RTN4: variants seen among roughly 807,000 people sequenced by gnomAD.
RTN4 encodes the protein reticulon 4.
In RTN4, 32 loss-of-function variants were observed where a neutral mutation model predicts 90.4. That is an observed-to-expected ratio of 0.35 (90% confidence interval 0.27 to 0.48). The LOEUF is 0.48. Among genes scored for constraint, RTN4 ranks in the 20% least tolerant of loss-of-function variants. The pLI is 0.99. For missense variants in RTN4, 1,706 were observed against 1,430.2 expected (o/e 1.19, Z -3.11); for synonymous variants, 629 against 552.5 (o/e 1.14, Z -1.94).
intron 3 of RTN4, chr2:55,009,942 T>C (rs1244677077): frequency 1.2e-6 from 1 of 834,474 alleles, no homozygotes; most frequent in Non-Finnish European, 1.8e-6. Flanking sequence ...TAAAAACACG[T>C]GAGATAGCCG....
upstream of RTN4, among the ~76,000 whole-genome samples, chr2:55,053,365 A>C (rs886162621): frequency 1.2e-4 from 18 of 152,362 alleles, no homozygotes; most frequent in Admixed American, 5.2e-4. Context: ...AATAGTTTTA[A>C]AATAATTATT....
chr2:55,061,066 A>T (rs1668282038), intron 2 of RTN4, among the ~76,000 whole-genome samples: 2 of 140,688 alleles, frequency 1.4e-5, no homozygotes, highest in South Asian at 2.2e-4. Context: ...AAAAATAAGA[A>T]TTTTTTTTTT....
At chr2:55,080,627 C>T (rs150996591) in exon 2 of RTN4, 31 of 151,996 alleles carry the variant, frequency 2.0e-4, no homozygotes, top group African/African-American at 6.5e-4. Flanking sequence ...TTGTTATTTT[C>T]GATGACAACT....
intron 1 of RTN4, among the ~76,000 whole-genome samples, chr2:55,087,120 G>A (rs562691807): frequency 1.3e-5 from 2 of 152,218 alleles, no homozygotes; most frequent in African/African-American, 4.8e-5. Context: ...TTATTCATCT[G>A]GTCATCCAAC....
Position 55,025,098 on chromosome 2 carries a change from T to C in RTN4, c.3001A>G (p.Ser1001Gly), listed in dbSNP as rs200210000. ...SPSAIFSAEL[S>G]KTSVVDLLYW... ...TAGATTGGATTACCTGAAGTTTTACTCAGCTCTGCTGAAAATATAGCAGAT... is the reference window on the plus strand; with the variant it reads ...TAGATTGGATTACCTGAAGTTTTACCCAGCTCTGCTGAAAATATAGCAGAT... The change falls in exon 3 of 9, where the codon AGT becomes GGT. Residue 1001 changes from serine to glycine, a missense_variant. Ser to Gly is a moderately conservative substitution (Grantham distance 56). Coordinates refer to ENST00000337526, the MANE Select transcript of RTN4 (RefSeq NM_020532.5). 1.7e-5 allele frequency: 27 copies of C among 1,601,746 alleles called. No individual in the cohort carries two copies. The highest frequency in any genetic ancestry group is 2.2e-5 in the Non-Finnish European group (26 of 1,173,868).
intron 1 of RTN4, among the ~76,000 whole-genome samples, chr2:55,085,021 G>A (rs900843148): frequency 6.6e-6 from 1 of 152,136 alleles, no homozygotes; most frequent in Non-Finnish European, 1.5e-5. Context: ...TTACTCCTGG[G>A]TTCAAACGAT....
At chr2:55,072,957 T>C (rs1467426133) in intron 2 of RTN4, among the ~76,000 whole-genome samples, 1 of 152,218 alleles carries the variant, frequency 6.6e-6, no homozygotes, top group East Asian at 1.9e-4. Flanking sequence ...GCTTCTTCAG[T>C]TGCTCGGCTC....
chr2:55,018,206 T>C (rs1227767388), intron 3 of RTN4, among the ~76,000 whole-genome samples: 3 of 152,108 alleles, frequency 2.0e-5, no homozygotes, highest in Non-Finnish European at 4.4e-5. Context: ...TATGTGAGAG[T>C]GCTTGTTGGT....
chr2:55,078,958 G>C (rs968436505), intron 2 of RTN4, among the ~76,000 whole-genome samples: 1 of 152,172 alleles, frequency 6.6e-6, no homozygotes, highest in Non-Finnish European at 1.5e-5. Context: ...ATGGGAAATG[G>C]AAAATAGAGT....
chr2:55,025,811 G>T lies in RTN4; in HGVS notation c.2288C>A (p.Thr763Asn). The T allele has an allele frequency of 6.2e-7, 1 of 1,613,588 alleles. No individual in the cohort carries two copies. Among genetic ancestry groups the T allele is most frequent in the Non-Finnish European group, 8.5e-7 (1 of 1,179,794 alleles). Residue 763 changes from threonine to asparagine, a missense_variant, in exon 3 of 9, where the codon ACT (threonine) becomes AAT (asparagine). Transcript: ENST00000337526. ...IPDVPQKQDE[T>N]VMLVKESLTE... ...GAGACTTTCTTTCACAAGCATCACA[G>T]TTTCATCTTGTTTTTGTGGAACGTC...
upstream of RTN4, among the ~76,000 whole-genome samples, chr2:55,116,425 T>C (rs1448401723): frequency 6.6e-6 from 1 of 152,176 alleles, no homozygotes; most frequent in Non-Finnish European, 1.5e-5. Flanking sequence ...ACACCACATA[T>C]TAGCCATGGG....
chr2:55,005,125 A>G (rs982993545), intron 3 of RTN4, among the ~76,000 whole-genome samples: 11 of 152,216 alleles, frequency 7.2e-5, no homozygotes, highest in African/African-American at 2.7e-4. Flanking sequence ...GGGCTAGGCC[A>G]TGGAATGCCT....
At chr2:55,056,002 GTGTATA>G (rs1558860474) in intron 2 of RTN4, among the ~76,000 whole-genome samples, 1 of 138,492 alleles carries the variant, frequency 7.2e-6, no homozygotes, top group Non-Finnish European at 1.6e-5. Flanking sequence ...GTGTGTGTGT[GTGTATA>G]TATATATATA....
At chr2:55,049,092 T>C in intron 1 of RTN4, 1 of 985,702 alleles carries the variant, frequency 1.0e-6, no homozygotes, top group Non-Finnish European at 1.2e-6. Context: ...AACTCTCTCC[T>C]TCCCATTTCT....
At chr2:55,106,723 T>C (rs756071698) in intron 1 of RTN4, among the ~76,000 whole-genome samples, 9 of 152,234 alleles carry the variant, frequency 5.9e-5, no homozygotes, top group Non-Finnish European at 1.3e-4. Flanking sequence ...TTTCACCATG[T>C]TGGCTAGGCT....
intron 3 of RTN4, among the ~76,000 whole-genome samples, chr2:54,990,235 AGTCAATAGTT>A (rs1678893689): frequency 6.6e-6 from 1 of 152,236 alleles, no homozygotes; most frequent in African/African-American, 2.4e-5. Flanking sequence ...GGGTGACAAC[AGTCAATAGTT>A]GTATGTATTT....
intron 1 of RTN4, among the ~76,000 whole-genome samples, chr2:55,081,398 A>G (rs545149123): frequency 6.6e-6 from 1 of 152,210 alleles, no homozygotes; most frequent in East Asian, 1.9e-4. Flanking sequence ...TTAAGCTACT[A>G]CACACCAGAA....
intron 3 of RTN4, among the ~76,000 whole-genome samples, chr2:55,023,450 C>T (rs1033625865): frequency 6.6e-6 from 1 of 152,016 alleles, no homozygotes; most frequent in Non-Finnish European, 1.5e-5. Flanking sequence ...CAAATAATTC[C>T]CTCAACTTTC....
At chr2:55,047,790 AT>A (rs1458468831) in intron 1 of RTN4, among the ~76,000 whole-genome samples, 1 of 152,104 alleles carries the variant, frequency 6.6e-6, no homozygotes, top group African/African-American at 2.4e-5. Flanking sequence ...AACAAACGTG[AT>A]TTTTTTCGCT....
Sources: gnomAD v4.1 joint callset for allele counts (sites outside exome capture counted in the v4.1 genomes callset) on GRCh38, gnomAD v4.1.1 for gene constraint, MANE v1.5 for transcripts, NCBI Gene and HGNC (gene_info 2026-07-23, HGNC 2026-07-21) for gene names.